Variants in IQSEC1 observed in about 807,000 individuals in gnomAD.
The protein encoded by IQSEC1 is IQ motif and SEC7 domain-containing protein 1.
In IQSEC1, 31 loss-of-function variants were observed where a neutral mutation model predicts 91.0. That is an observed-to-expected ratio of 0.34 (90% CI 0.26 to 0.46). IQSEC1 has a LOEUF of 0.46. Ranked by LOEUF, IQSEC1 falls within the 20% of genes least tolerant of loss-of-function variation. The pLI, the probability that IQSEC1 is intolerant of heterozygous loss-of-function variation, is 1.00. For missense variants in IQSEC1, 1,388 were observed against 1,575.6 expected, an observed-to-expected ratio of 0.88 and a Z score of 2.02; for synonymous variants, 699 against 662.6, an observed-to-expected ratio of 1.05 and a Z score of -0.84.
At chr3:13,178,827 A>G (rs1693784300) in intron 1 of IQSEC1, among the ~76,000 whole-genome samples, 1 of 152,242 alleles carries the variant, frequency 6.6e-6, no homozygotes, top group Non-Finnish European at 1.5e-5. Flanking sequence ...ACAGTCCCAT[A>G]GACTGTTCTT....
Position 12,924,440 on chromosome 3 carries a change from A to T in IQSEC1, c.1730+141T>A. 1 of 811,648 alleles carries T rather than the reference A, an allele frequency of 1.2e-6. No homozygotes were observed. The highest frequency in any genetic ancestry group is 1.9e-6 in the Non-Finnish European group (1 of 532,972). The allele number at this position is 811,648 out of a possible 1,614,324, so 50.3% of individuals were successfully genotyped here. ...GGGCATCTGCATGTGTGTGTCTAGGACTTAGGAAGAGAGAAAGGGGGGCCC... is the reference window on the plus strand; with the variant it reads ...GGGCATCTGCATGTGTGTGTCTAGGTCTTAGGAAGAGAGAAAGGGGGGCCC... On this transcript the variant is annotated intron_variant, in intron 4 of 13. Transcript: ENST00000613206. This position sits in a 1 kb window ranked among gnomAD's most constrained non-coding sequence, Gnocchi z 6.3.
intron 1 of IQSEC1, among the ~76,000 whole-genome samples, chr3:13,220,378 G>T (rs966789891): frequency 5.9e-5 from 9 of 152,290 alleles, no homozygotes; most frequent in African/African-American, 2.2e-4. Context: ...AAGAAGGGGG[G>T]TCCTTGCCCC....
At chr3:13,186,910 G>C (rs139019686) in intron 1 of IQSEC1, among the ~76,000 whole-genome samples, 2 of 152,188 alleles carry the variant, frequency 1.3e-5, no homozygotes, top group East Asian at 3.9e-4. Flanking sequence ...TGAAGCCTTC[G>C]GATGAGGAAA....
At chr3:13,178,488 T>C (rs1693778926) in intron 1 of IQSEC1, among the ~76,000 whole-genome samples, 1 of 152,224 alleles carries the variant, frequency 6.6e-6, no homozygotes. Flanking sequence ...ATTTTGCTCC[T>C]AGCTGCAGGG....
At chr3:12,932,341 C>T (rs1697754176) in intron 3 of IQSEC1, among the ~76,000 whole-genome samples, 2 of 152,182 alleles carry the variant, frequency 1.3e-5, no homozygotes, top group South Asian at 2.1e-4. Flanking sequence ...CCCAGGGATA[C>T]CTGTGGTAGC....
chr3:12,899,827 G>A lies in IQSEC1; in HGVS notation c.*1156C>T, dbSNP rs1365499045. On this transcript the variant is annotated 3_prime_UTR_variant, in exon 14 of 14. Coordinates refer to ENST00000613206, the MANE Select transcript of IQSEC1 (RefSeq NM_001134382.3). The stretch of plus-strand genomic sequence containing the variant: ...CTTCGGCCTGGTGTGGGTTGGAGGC[G>A]GGATGAGGACGTTATGGTGTTGGGG... 38 of 985,358 alleles carry A rather than the reference G, an allele frequency of 3.9e-5. No individual in the cohort carries two copies. The African/African-American group carries it at 4.9e-4, about 13-fold the overall frequency. 61.0% of individuals were successfully genotyped at this position (985,358 alleles called of 1,614,324 possible). A position where few individuals can be genotyped will look rare whatever the true frequency, so the allele number is the denominator to read the frequency against.
At chr3:13,019,125 G>A (rs865917838) in intron 1 of IQSEC1, among the ~76,000 whole-genome samples, 14 of 152,336 alleles carry the variant, frequency 9.2e-5, no homozygotes, top group Middle Eastern at 3.4e-3. Context: ...CAACTTGCCC[G>A]AGGGCTGCAC....
At chr3:13,247,857 G>T (rs867672707) in intron 1 of IQSEC1, among the ~76,000 whole-genome samples, 1 of 152,064 alleles carries the variant, frequency 6.6e-6, no homozygotes, top group Non-Finnish European at 1.5e-5. Context: ...CCACAGACAC[G>T]CTGTGGGAAC....
chr3:12,903,881 T>C (rs1273824150), intron 12 of IQSEC1, among the ~76,000 whole-genome samples: 3 of 152,174 alleles, frequency 2.0e-5, no homozygotes, highest in Non-Finnish European at 4.4e-5. Context: ...ACTGTGTCCA[T>C]ATCAGAGAGA....
At chr3:13,208,502 A>G (rs1338893449) in intron 1 of IQSEC1, among the ~76,000 whole-genome samples, 2 of 152,124 alleles carry the variant, frequency 1.3e-5, no homozygotes, top group Non-Finnish European at 2.9e-5. Flanking sequence ...GAACCCACCC[A>G]GGGACACCTC....
At chr3:13,191,877 T>G (rs1694039259) in intron 1 of IQSEC1, among the ~76,000 whole-genome samples, 1 of 152,214 alleles carries the variant, frequency 6.6e-6, no homozygotes, top group Admixed American at 6.5e-5. Context: ...CCTGTCCTTG[T>G]CCCATGGATG....
chr3:13,204,110 G>C (rs1052030408), intron 1 of IQSEC1, among the ~76,000 whole-genome samples: 1 of 152,238 alleles, frequency 6.6e-6, no homozygotes, highest in African/African-American at 2.4e-5. Context: ...ACACCTTCAT[G>C]GGCCGCAGGG....
intron 1 of IQSEC1, among the ~76,000 whole-genome samples, chr3:13,273,504 C>A (rs1186725290): frequency 6.6e-6 from 1 of 152,226 alleles, no homozygotes. Context: ...TGGAGCCACT[C>A]CTTTGGTTCC....
At chr3:13,004,341 G>C (rs921110573) in intron 1 of IQSEC1, among the ~76,000 whole-genome samples, 1 of 152,218 alleles carries the variant, frequency 6.6e-6, no homozygotes, top group South Asian at 2.1e-4. Flanking sequence ...GTAATCAGCT[G>C]TGAAGCAGAG....
chr3:13,056,884 T>A (rs929735447), intron 1 of IQSEC1, among the ~76,000 whole-genome samples: 26 of 152,212 alleles, frequency 1.7e-4, no homozygotes, highest in African/African-American at 6.3e-4. Flanking sequence ...ACAGAAGTTG[T>A]CAAGCAGAAG....
chr3:13,004,650 C>T (rs1702558155), intron 1 of IQSEC1, among the ~76,000 whole-genome samples: 2 of 152,144 alleles, frequency 1.3e-5, no homozygotes, highest in Non-Finnish European at 2.9e-5. Flanking sequence ...GGCATCTATG[C>T]AGGGCCACTT....
At chr3:13,212,172 C>T (rs1415834439) in intron 1 of IQSEC1, among the ~76,000 whole-genome samples, 1 of 152,230 alleles carries the variant, frequency 6.6e-6, no homozygotes, top group East Asian at 1.9e-4. Flanking sequence ...TATCAGCTCT[C>T]TATTCTCTCT....
Position 13,282,925 on chromosome 3 carries a change from G to A in IQSEC1, c.58C>T (p.Arg20Trp), listed in dbSNP as rs1254247900. ...AGCTCCTGCTGCGCGGCGACGATCCGGGTCAGCTCCTGCAGGTACTCGGCC... is the reference window on the plus strand; with the variant it reads ...AGCTCCTGCTGCGCGGCGACGATCCAGGTCAGCTCCTGCAGGTACTCGGCC... Residue 20 changes from arginine to tryptophan, a missense_variant, in exon 1 of 16, where the codon CGG (arginine) becomes TGG (tryptophan). Physicochemically the swap from Arg to Trp is moderately radical, Grantham distance 101 (BLOSUM62 -3). Transcript: ENST00000648114. This position sits in a 1 kb window ranked among gnomAD's most constrained non-coding sequence, Gnocchi z 6.4. 2.0e-5 allele frequency among the ~76,000 whole-genome samples: 3 copies of A among 147,322 alleles called. No homozygotes were observed. Among genetic ancestry groups the A allele is most frequent in the East Asian group, 2.0e-4 (1 of 5,080 alleles).
chr3:13,250,500 C>T lies in IQSEC1; in HGVS notation c.272+32211G>A, dbSNP rs1020443154. The stretch of plus-strand genomic sequence containing the variant: ...GTGGCTTGATCTTGGCTCACTTCAA[C>T]CTCCCCCCACCACCACCCTCCACCC... On this transcript the variant is annotated intron_variant, in intron 1 of 15. Transcript: ENST00000648114. Among the ~76,000 whole-genome samples the T allele has an allele frequency of 9.3e-5, 14 of 150,028 alleles. No individual in the cohort carries two copies. In the South Asian group the frequency reaches 1.3e-3, roughly 14 times the overall value.
Sources: allele counts gnomAD v4.1 joint callset (sites outside exome capture counted in the v4.1 genomes callset), GRCh38; gene constraint gnomAD v4.1.1; non-coding constraint Gnocchi (gnomAD v3.1); transcripts MANE v1.5; gene names NCBI Gene and HGNC (gene_info 2026-07-23, HGNC 2026-07-21).